Variants in NEDD9 observed in about 807,000 individuals in gnomAD.
NEDD9 encodes enhancer of filamentation 1.
NEDD9 carries 26 observed loss-of-function variants against 76.6 expected under a neutral mutation model. The ratio of observed to expected loss-of-function variants is 0.34; its 90% CI spans 0.25 to 0.47. The LOEUF (loss-of-function observed/expected upper bound fraction) is 0.47, where lower values mean the gene tolerates loss of function less well. Among genes scored for constraint, NEDD9 ranks in the 20% least tolerant of loss-of-function variants. NEDD9 has a pLI of 1.00. For missense variants in NEDD9, 937 were observed against 1,058.5 expected (o/e 0.89, Z 1.59); for synonymous variants, 392 against 414.2 (o/e 0.95, Z 0.65).
rs1757941727 is a variant in NEDD9, at chr6:11,185,088, T to A, written c.*74A>T. On this transcript the variant is annotated 3_prime_UTR_variant, in exon 7 of 7. Transcript: ENST00000379446. Reference sequence around the variant, plus strand: ...AAATATCTACAAAAATAGATAACATTTACAAAAACCAGACAGTATTTCCAG... The same window carrying A: ...AAATATCTACAAAAATAGATAACATATACAAAAACCAGACAGTATTTCCAG... The A allele has an allele frequency of 6.8e-7, 1 of 1,472,792 alleles. No homozygotes were observed. The highest frequency in any genetic ancestry group is 9.1e-7 in the Non-Finnish European group (1 of 1,098,214). 91.2% of individuals were successfully genotyped at this position (1,472,792 alleles called of 1,614,324 possible).
Position 11,193,696 on chromosome 6 carries a change from T to A in NEDD9, c.460-4A>T, listed in dbSNP as rs1490711837. 6.2e-7 allele frequency: 1 copy of A among 1,610,260 alleles called. No individual in the cohort carries two copies. Among genetic ancestry groups the A allele is most frequent in the South Asian group, 1.1e-5 (1 of 90,924 alleles). ...CTGTCCTCACGGGGGTTATCACCTG[T>A]GGGAGAGAAGGCACAGAGGTGTAAA... On this transcript the variant is annotated splice_region_variant and splice_polypyrimidine_tract_variant and intron_variant, in intron 2 of 6. Transcript: ENST00000379446.
At chr6:11,317,558 G>T (rs1037041116) in intron 2 of NEDD9, among the ~76,000 whole-genome samples, 3 of 152,152 alleles carry the variant, frequency 2.0e-5, no homozygotes, top group Non-Finnish European at 4.4e-5. Flanking sequence ...ACAGAGGAAA[G>T]AACTTGACAA....
intron 2 of NEDD9, among the ~76,000 whole-genome samples, chr6:11,207,043 A>C (rs770449209): frequency 6.6e-6 from 1 of 152,160 alleles, no homozygotes; most frequent in African/African-American, 2.4e-5. Context: ...TACTTTATTG[A>C]TTTATAAATG....
rs112865201 is a variant in NEDD9 at position 11,213,754 on chromosome 6, C to T, written c.13-27G>A. 36 of 1,607,470 alleles carry T rather than the reference C, an allele frequency of 2.2e-5. No individual in the cohort carries two copies. In the African/African-American group the frequency reaches 3.3e-4, roughly 15 times the overall value. On this transcript the variant is annotated intron_variant, in intron 1 of 6. Transcript: ENST00000379446. This position sits in a 1 kb window ranked among gnomAD's most constrained non-coding sequence, Gnocchi z 5.4. ...TAGGAGGGAAGGAAGAGAAGGAAAC[C>T]GTGTTAGAATATTGGGTCGGTCCCT...
At chr6:11,305,649 G>T (rs557587785) in intron 3 of NEDD9, among the ~76,000 whole-genome samples, 4 of 152,314 alleles carry the variant, frequency 2.6e-5, no homozygotes, top group African/African-American at 9.6e-5. Context: ...ATTTCCAAAC[G>T]TGGGCAATCA....
At chr6:11,362,613 T>C (rs1762697400) in intron 1 of NEDD9, among the ~76,000 whole-genome samples, 2 of 152,230 alleles carry the variant, frequency 1.3e-5, no homozygotes, top group Admixed American at 1.3e-4. Flanking sequence ...AACTCTTGCT[T>C]GCTTTTCTCA....
Position 11,237,787 on chromosome 6 carries a change from T to C in NEDD9, c.13-24060A>G, listed in dbSNP as rs73723929. Among the ~76,000 whole-genome samples, 1,277 of 152,220 alleles carry C rather than the reference T, an allele frequency of 8.4e-3. 13 individuals are homozygous for C. Among genetic ancestry groups the C allele is most frequent in the African/African-American group, 0.03 (1,233 of 41,534 alleles). On this transcript the variant is annotated intron_variant, in intron 3 of 3. Coordinates refer to the NEDD9 transcript ENST00000397378. This position sits in a 1 kb window ranked among gnomAD's most constrained non-coding sequence, Gnocchi z 4.9. Reference sequence around the variant, plus strand: ...TCTCTAGAAGTTTGCCGACCCACACTCTAGATTAGTGCAAGGTACATCTAT... The same window carrying C: ...TCTCTAGAAGTTTGCCGACCCACACCCTAGATTAGTGCAAGGTACATCTAT...
At chr6:11,223,114 C>T (rs1759194347) in intron 1 of NEDD9, among the ~76,000 whole-genome samples, 4 of 152,066 alleles carry the variant, frequency 2.6e-5, no homozygotes, top group Non-Finnish European at 5.9e-5. Flanking sequence ...TACAGGACAG[C>T]CCCCACCACA....
At chr6:11,353,933 T>C (rs545271393) in intron 1 of NEDD9, among the ~76,000 whole-genome samples, 1 of 152,262 alleles carries the variant, frequency 6.6e-6, no homozygotes, top group Admixed American at 6.5e-5. Flanking sequence ...GGAAGAGTGA[T>C]GGGGGCCATA....
At chr6:11,359,282 A>G (rs945219730) in intron 1 of NEDD9, among the ~76,000 whole-genome samples, 10 of 152,260 alleles carry the variant, frequency 6.6e-5, no homozygotes, top group Non-Finnish European at 1.2e-4. Flanking sequence ...GAAGCTTTCT[A>G]TAAAGCCTTC....
intron 2 of NEDD9, among the ~76,000 whole-genome samples, chr6:11,327,690 T>C (rs535202023): frequency 6.6e-6 from 1 of 152,240 alleles, no homozygotes; most frequent in Non-Finnish European, 1.5e-5. Flanking sequence ...AGTCAGAAGC[T>C]GCCGTCCATT....
chr6:11,335,739 G>A (rs1005613795), intron 1 of NEDD9, among the ~76,000 whole-genome samples: 5 of 152,196 alleles, frequency 3.3e-5, no homozygotes, highest in Admixed American at 2.0e-4. Flanking sequence ...TGGCAAAAAT[G>A]TGTTGATAGT....
At chr6:11,280,143 C>A (rs1313828771) in intron 3 of NEDD9, among the ~76,000 whole-genome samples, 3 of 152,166 alleles carry the variant, frequency 2.0e-5, no homozygotes, top group African/African-American at 7.2e-5. Flanking sequence ...CCATTTTTGA[C>A]AGTGAAAAAT....
intron 1 of NEDD9, among the ~76,000 whole-genome samples, chr6:11,217,673 C>T (rs1395895459): frequency 6.6e-6 from 1 of 152,252 alleles, no homozygotes; most frequent in Non-Finnish European, 1.5e-5. Flanking sequence ...TTTGCCAGCT[C>T]ACCTGGCAAG....
chr6:11,304,989 T>C, intron 3 of NEDD9: 1 of 953,390 alleles, frequency 1.0e-6, no homozygotes, highest in Non-Finnish European at 1.4e-6. Context: ...CAATCAAACT[T>C]GTTTTTAATG....
At chr6:11,366,294 G>GGAAAGAAAGAAA (rs1033127079) in intron 1 of NEDD9, among the ~76,000 whole-genome samples, 1 of 117,382 alleles carries the variant, frequency 8.5e-6, no homozygotes, top group South Asian at 2.8e-4. Context: ...AAGGAAGGAA[G>GGAAAGAAAGAAA]GAAAGAAAGA....
In NEDD9 at chr6:11,185,289, G is replaced by C. The variant is rs780214200; in HGVS notation, c.2378C>G (p.Ala793Gly). 2.5e-6 allele frequency: 4 copies of C among 1,614,122 alleles called. No individual in the cohort carries two copies. In the East Asian group the frequency reaches 6.7e-5, roughly 27 times the overall value. ...GTAATGGAGGGCGGCCATCTTGGTTGCCATGACTATGGTCTTGAGCTGCTC... is the reference window on the plus strand; with the variant it reads ...GTAATGGAGGGCGGCCATCTTGGTTCCCATGACTATGGTCTTGAGCTGCTC... ...LCEQLKTIVM[A>G]TKMAALHYPS... Residue 793 changes from alanine to glycine, a missense_variant, in exon 7 of 7, where the codon GCA (alanine) becomes GGA (glycine). Coordinates refer to ENST00000379446, the MANE Select transcript of NEDD9 (RefSeq NM_006403.4).
intron 2 of NEDD9, among the ~76,000 whole-genome samples, chr6:11,197,283 G>A (rs1376852442): frequency 1.5e-5 from 2 of 135,012 alleles, no homozygotes; most frequent in Non-Finnish European, 3.2e-5. Flanking sequence ...CTTTCATTCT[G>A]TGCATTTATT....
At chr6:11,298,844 T>TA (rs1157901221) in intron 3 of NEDD9, among the ~76,000 whole-genome samples, 2 of 152,182 alleles carry the variant, frequency 1.3e-5, no homozygotes, top group Non-Finnish European at 2.9e-5. Flanking sequence ...ACCTTGACCT[T>TA]AAAACATCAC....
Sources: allele counts gnomAD v4.1 joint callset (sites outside exome capture counted in the v4.1 genomes callset), GRCh38; gene constraint gnomAD v4.1.1; non-coding constraint Gnocchi (gnomAD v3.1); transcripts MANE v1.5; gene names NCBI Gene and HGNC (gene_info 2026-07-23, HGNC 2026-07-21).